The following TERB2 variants were observed in gnomAD, a reference collection of about 807,000 sequenced individuals.
The protein encoded by TERB2 is telomere repeat binding bouquet formation protein 2.
TERB2 carries 26 observed loss-of-function variants against 29.8 expected under a neutral mutation model. The ratio of observed to expected loss-of-function variants is 0.87; its 90% CI spans 0.64 to 1.21. TERB2 has a LOEUF of 1.21. TERB2 is among the 50% of genes most tolerant of loss of function. The probability of loss-of-function intolerance (pLI) is 0.00; values close to 1 mark genes in which losing one functional copy is unlikely to be tolerated. For missense variants in TERB2, 240 were observed against 268.6 expected (o/e 0.89, Z 0.74); for synonymous variants, 80 against 90.8 (o/e 0.88, Z 0.68).
intron 4 of TERB2, among the ~76,000 whole-genome samples, chr15:44,963,512 A>G (rs1891837844): frequency 2.0e-5 from 3 of 152,156 alleles, no homozygotes; most frequent in African/African-American, 7.2e-5. Context: ...GACATAAAAA[A>G]GAGGTATAAA....
intron 4 of TERB2, among the ~76,000 whole-genome samples, chr15:44,963,945 G>T (rs369641711): frequency 2.0e-5 from 3 of 151,552 alleles, no homozygotes; most frequent in South Asian, 4.2e-4. Flanking sequence ...CGAGTAGCTG[G>T]GATTACAGGC....
chr15:44,968,326 G>C (rs951832035), intron 5 of TERB2, among the ~76,000 whole-genome samples: 53 of 151,816 alleles, frequency 3.5e-4, no homozygotes, highest in Non-Finnish European at 8.8e-5. Flanking sequence ...AGCAATTCTT[G>C]TGCCTTGGCC....
rs537045079 is a variant in TERB2 at position 44,972,810 on chromosome 15, C to T, written c.435-1057C>T. 4.6e-5 allele frequency among the ~76,000 whole-genome samples: 7 copies of T among 151,986 alleles called. 1 individual carries two copies. Among genetic ancestry groups the T allele is most frequent in the African/African-American group, 1.7e-4 (7 of 41,440 alleles). On this transcript the variant is annotated intron_variant, in intron 5 of 6. Coordinates refer to ENST00000340827, the MANE Select transcript of TERB2 (RefSeq NM_152448.3). ...GGATTATAGGCGTGAACCACTGTTC[C>T]TGGCCACCTTTTAGCTTTTAAAAAT... is the stretch of plus-strand genomic sequence containing the variant.
At chr15:44,957,668 G>A (rs1401100834) in intron 2 of TERB2, among the ~76,000 whole-genome samples, 1 of 152,010 alleles carries the variant, frequency 6.6e-6, no homozygotes, top group African/African-American at 2.4e-5. Context: ...GTTTTCGCCG[G>A]GACTATCAGA....
At chr15:44,960,772 G>C (rs1891788381) in intron 3 of TERB2, among the ~76,000 whole-genome samples, 1 of 151,996 alleles carries the variant, frequency 6.6e-6, no homozygotes, top group Admixed American at 6.6e-5. Context: ...CAAAAGTCTA[G>C]AGTAATATTA....
At chr15:44,961,301 A>G (rs1480275793) in intron 3 of TERB2, among the ~76,000 whole-genome samples, 3 of 151,314 alleles carry the variant, frequency 2.0e-5, no homozygotes, top group Non-Finnish European at 4.4e-5. Context: ...AATGATTAGC[A>G]AAGTGTATTA....
chr15:44,969,852 AG>A (rs577843563), intron 5 of TERB2, among the ~76,000 whole-genome samples: 8 of 151,708 alleles, frequency 5.3e-5, no homozygotes, highest in Non-Finnish European at 1.0e-4. Context: ...ATGGAGCTGG[AG>A]GGTATTCTTT....
At chr15:44,967,988 C>T (rs901673888) in intron 5 of TERB2, among the ~76,000 whole-genome samples, 2 of 107,998 alleles carry the variant, frequency 1.9e-5, no homozygotes, top group African/African-American at 7.9e-5. Context: ...TATGAATAAA[C>T]CCTAGGTAGG....
At chr15:44,976,619 G>T (rs949963495) in intron 6 of TERB2, among the ~76,000 whole-genome samples, 1 of 152,146 alleles carries the variant, frequency 6.6e-6, no homozygotes, top group South Asian at 2.1e-4. Context: ...GTACAAAATC[G>T]TAGTGGACTG....
chr15:44,962,651 A>G (rs1891824608), intron 4 of TERB2, among the ~76,000 whole-genome samples: 1 of 152,114 alleles, frequency 6.6e-6, no homozygotes, highest in Non-Finnish European at 1.5e-5. Context: ...CAAGAAGAAG[A>G]AAAGTGTACA....
chr15:44,956,826 C>G, intron 1 of TERB2, 44 bp downstream of exon 1: 1 of 1,608,868 alleles, frequency 6.2e-7, no homozygotes, highest in Non-Finnish European at 8.5e-7. Context: ...GTGAGGGGAG[C>G]ATCCTCCTCT....
At chr15:44,967,349 C>A (rs1348254825) in intron 5 of TERB2, among the ~76,000 whole-genome samples, 1 of 152,224 alleles carries the variant, frequency 6.6e-6, no homozygotes, top group Non-Finnish European at 1.5e-5. Flanking sequence ...CAACGGAGTG[C>A]CCCAAACAGT....
intron 4 of TERB2, chr15:44,962,724 G>A (rs888835851): frequency 6.6e-6 from 1 of 152,116 alleles, no homozygotes; most frequent in African/African-American, 2.4e-5. Flanking sequence ...TTACGCTTTT[G>A]ACTTACTTCA....
At chr15:44,978,179 G>A (rs1232828546) in intron 6 of TERB2, among the ~76,000 whole-genome samples, 1 of 152,172 alleles carries the variant, frequency 6.6e-6, no homozygotes, top group African/African-American at 2.4e-5. Context: ...ACACTTCCCA[G>A]TTATTTTTAT....
At chr15:44,968,446 C>T (rs1376716208) in intron 5 of TERB2, among the ~76,000 whole-genome samples, 1 of 152,054 alleles carries the variant, frequency 6.6e-6, no homozygotes, top group Non-Finnish European at 1.5e-5. Context: ...GTCTCAAATT[C>T]CTGGCCTCAA....
rs1311209692 is a variant in TERB2, at chr15:44,958,421, T to C, written c.195T>C (p.His65=). ...DYIEDNATVF[H]AYYLSAVANA... ...TAGAAGATAATGCTACAGTTTTTCATGCCTACTATCTCTCTGCGGTAGCTA... is the reference window on the plus strand; with the variant it reads ...TAGAAGATAATGCTACAGTTTTTCACGCCTACTATCTCTCTGCGGTAGCTA... Residue 65 remains histidine (H), a synonymous_variant, in exon 3 of 7, where the codon CAT becomes CAC. Transcript: ENST00000340827. 2 of 1,613,974 alleles carry C rather than the reference T, an allele frequency of 1.2e-6. No homozygotes were observed. Among genetic ancestry groups the C allele is most frequent in the African/African-American group, 2.7e-5 (2 of 74,938 alleles).
intron 2 of TERB2, among the ~76,000 whole-genome samples, chr15:44,957,352 C>T (rs542157703): frequency 2.6e-5 from 4 of 152,084 alleles, no homozygotes; most frequent in Non-Finnish European, 5.9e-5. Flanking sequence ...ACCTCCTTTC[C>T]TTTCTGCTGC....
chr15:44,964,000 G>T (rs968521090), intron 4 of TERB2, among the ~76,000 whole-genome samples: 2 of 151,558 alleles, frequency 1.3e-5, no homozygotes, highest in African/African-American at 4.8e-5. Flanking sequence ...TAGTAGAGAC[G>T]GGGTTTCACC....
At chr15:44,958,545 G>C (rs1891756537) in intron 3 of TERB2, 33 bp downstream of exon 3, 1 of 1,571,584 alleles carries the variant, frequency 6.4e-7, no homozygotes, top group South Asian at 1.2e-5. Flanking sequence ...ATCCCTGTCA[G>C]ACAGCCAAAT....
Sources: gnomAD v4.1 joint callset for allele counts (sites outside exome capture counted in the v4.1 genomes callset) on GRCh38, gnomAD v4.1.1 for gene constraint, MANE v1.5 for transcripts, NCBI Gene and HGNC (gene_info 2026-07-23, HGNC 2026-07-21) for gene names.